ELAVL4: variants seen among roughly 807,000 people sequenced by gnomAD.
ELAVL4 encodes the protein ELAV like RNA binding protein 4.
ELAVL4 carries 1 observed loss-of-function variant against 35.6 expected under a neutral mutation model. The observed-to-expected ratio is 0.03, with a 90% CI of 0.01 to 0.13. The LOEUF is 0.13. Ranked by LOEUF, ELAVL4 falls within the 10% of genes least tolerant of loss-of-function variation. ELAVL4 has a pLI of 1.00. For synonymous variants in ELAVL4, 156 were observed against 171.0 expected, an observed-to-expected ratio of 0.91 and a Z score of 0.69; for missense variants, 267 against 464.9, an observed-to-expected ratio of 0.57 and a Z score of 3.91.
chr1:50,133,882 A>G (rs1357654500), intron 1 of ELAVL4, among the ~76,000 whole-genome samples: 1 of 152,130 alleles, frequency 6.6e-6, no homozygotes, highest in African/African-American at 2.4e-5. Flanking sequence ...TTCACTTATT[A>G]TCTTCACCTT....
At chr1:50,122,023 A>T (rs1228066590) in intron 1 of ELAVL4, among the ~76,000 whole-genome samples, 1 of 152,070 alleles carries the variant, frequency 6.6e-6, no homozygotes, top group Non-Finnish European at 1.5e-5. Flanking sequence ...CATCCCTTTT[A>T]ATCCTTAGAA....
chr1:50,141,224 C>T (rs1256503929), intron 1 of ELAVL4, among the ~76,000 whole-genome samples: 1 of 152,174 alleles, frequency 6.6e-6, no homozygotes, highest in Non-Finnish European at 1.5e-5. Flanking sequence ...CTTCCACATA[C>T]TCCATCACTA....
intron 1 of ELAVL4, among the ~76,000 whole-genome samples, chr1:50,058,504 G>A (rs781391203): frequency 2.6e-5 from 4 of 151,834 alleles, no homozygotes; most frequent in Non-Finnish European, 5.9e-5. Flanking sequence ...TGTTATAAAG[G>A]GAGCATGAAA....
chr1:50,077,620 A>G (rs1664821687), intron 1 of ELAVL4, among the ~76,000 whole-genome samples: 3 of 152,196 alleles, frequency 2.0e-5, no homozygotes, highest in Non-Finnish European at 4.4e-5. Flanking sequence ...ATATCTGGTC[A>G]CCCTGTGACC....
At chr1:50,183,453 G>A (rs1681362215) in intron 3 of ELAVL4, among the ~76,000 whole-genome samples, 1 of 152,134 alleles carries the variant, frequency 6.6e-6, no homozygotes, top group African/African-American at 2.4e-5. Flanking sequence ...GAGGGAGCAG[G>A]AGTAGAGAAG....
chr1:50,065,718 A>G (rs1664227433), intron 1 of ELAVL4, among the ~76,000 whole-genome samples: 1 of 152,170 alleles, frequency 6.6e-6, no homozygotes, highest in Non-Finnish European at 1.5e-5. Context: ...TCATGAGTCT[A>G]CAAGTCAGTT....
chr1:50,189,790 C>T (rs1442060336), intron 3 of ELAVL4, among the ~76,000 whole-genome samples: 1 of 152,178 alleles, frequency 6.6e-6, no homozygotes, highest in Non-Finnish European at 1.5e-5. Context: ...TACAATAACC[C>T]ATCAAAGGAT....
intron 1 of ELAVL4, among the ~76,000 whole-genome samples, chr1:50,118,761 C>T (rs1668384855): frequency 6.6e-6 from 1 of 151,822 alleles, no homozygotes. Flanking sequence ...TGAAGGGATT[C>T]AAGATTCAAA....
intron 1 of ELAVL4, among the ~76,000 whole-genome samples, chr1:50,110,882 A>C (rs2148536386): frequency 6.6e-6 from 1 of 152,174 alleles, no homozygotes; most frequent in South Asian, 2.1e-4. Flanking sequence ...AGGAAAACCC[A>C]ATGAAAGGTT....
intron 2 of ELAVL4, among the ~76,000 whole-genome samples, chr1:50,168,106 C>T (rs1292461494): frequency 6.6e-6 from 1 of 152,196 alleles, no homozygotes; most frequent in African/African-American, 2.4e-5. Context: ...AACAGCTCTC[C>T]ACTTTCGGGT....
chr1:50,088,069 T>G (rs1413877495), intron 1 of ELAVL4, among the ~76,000 whole-genome samples: 1 of 152,246 alleles, frequency 6.6e-6, no homozygotes, highest in Non-Finnish European at 1.5e-5. Context: ...TTTGAGGCTC[T>G]GTGTGCCTTT....
intron 2 of ELAVL4, among the ~76,000 whole-genome samples, chr1:50,167,885 C>T (rs1678229599): frequency 6.6e-6 from 1 of 152,224 alleles, no homozygotes; most frequent in African/African-American, 2.4e-5. Flanking sequence ...ATTTCTTTGT[C>T]ACCAATTTTG....
intron 1 of ELAVL4, among the ~76,000 whole-genome samples, chr1:50,073,172 G>A (rs1049354656): frequency 1.2e-4 from 19 of 152,268 alleles, no homozygotes; most frequent in African/African-American, 4.6e-4. Context: ...GTACCAGGGA[G>A]TGGAGGGTAC....
chr1:50,054,556 A>T (rs1192216783), intron 1 of ELAVL4, among the ~76,000 whole-genome samples: 1 of 152,026 alleles, frequency 6.6e-6, no homozygotes, highest in African/African-American at 2.4e-5. Context: ...CATACCATAG[A>T]TTGGTATTAT....
At chr1:50,178,999 G>T (rs1156566036) in intron 3 of ELAVL4, among the ~76,000 whole-genome samples, 1 of 151,124 alleles carries the variant, frequency 6.6e-6, no homozygotes, top group East Asian at 1.9e-4. Context: ...AGGCCACTGT[G>T]GTTCCCCAAA....
At chr1:50,187,640 A>G (rs1682031336) in intron 3 of ELAVL4, among the ~76,000 whole-genome samples, 1 of 152,214 alleles carries the variant, frequency 6.6e-6, no homozygotes, top group Non-Finnish European at 1.5e-5. Context: ...GTCTCAAAAT[A>G]TAGTTACCCA....
chr1:50,200,485 C>G (rs1644332490), intron 6 of ELAVL4, among the ~76,000 whole-genome samples: 1 of 150,740 alleles, frequency 6.6e-6, no homozygotes, highest in Non-Finnish European at 1.5e-5. Flanking sequence ...CCTCCAAGAG[C>G]ACATTGTCTA....
intron 1 of ELAVL4, among the ~76,000 whole-genome samples, chr1:50,090,066 A>G (rs1419773635): frequency 6.6e-6 from 1 of 152,166 alleles, no homozygotes; most frequent in Non-Finnish European, 1.5e-5. Context: ...TGGAGGTTGT[A>G]AAAAGGTCTG....
intron 1 of ELAVL4, among the ~76,000 whole-genome samples, chr1:50,049,423 G>A (rs1012047442): frequency 3.9e-5 from 6 of 152,208 alleles, no homozygotes; most frequent in Non-Finnish European, 8.8e-5. Flanking sequence ...GAAGTAGTCT[G>A]TGTGAAGTGT....
Sources: allele counts gnomAD v4.1 joint callset (sites outside exome capture counted in the v4.1 genomes callset), GRCh38; gene constraint gnomAD v4.1.1; transcripts MANE v1.5; gene names NCBI Gene and HGNC (gene_info 2026-07-23, HGNC 2026-07-21).